The following IGF2BP3 variants were observed in gnomAD, a reference collection of about 807,000 sequenced individuals.
IGF2BP3 encodes insulin like growth factor 2 mRNA binding protein 3.
Under a neutral mutation model 73.8 loss-of-function variants are expected in IGF2BP3, and 9 were observed. That is an observed-to-expected ratio of 0.12 (90% confidence interval 0.07 to 0.21). The LOEUF is 0.21. Among genes scored for constraint, IGF2BP3 ranks in the 10% least tolerant of loss-of-function variants. The pLI, the probability that IGF2BP3 is intolerant of heterozygous loss-of-function variation, is 1.00. For synonymous variants in IGF2BP3, 258 were observed against 256.7 expected (o/e 1.01, Z -0.05); for missense variants, 542 against 714.0 (o/e 0.76, Z 2.75).
At position 23,312,290 on chromosome 7, in the gene IGF2BP3, C is replaced by T. The variant is rs773426938; in HGVS notation, c.*72G>A. 1.9e-4 allele frequency: 210 copies of T among 1,104,386 alleles called. No homozygotes were observed. The highest frequency in any genetic ancestry group is 2.6e-4 in the Non-Finnish European group (187 of 721,264). 68.4% of individuals were successfully genotyped at this position (1,104,386 alleles called of 1,614,324 possible). On this transcript the variant is annotated 3_prime_UTR_variant, in exon 15 of 15. Transcript: ENST00000258729. ...CATGTGATTCTGGATAGGGGGTCAG[C>T]GCCCATCTGTTGGTTAAGCAATCTG...
intron 10 of IGF2BP3, among the ~76,000 whole-genome samples, chr7:23,319,472 T>C (rs1784078025): frequency 1.3e-5 from 2 of 152,238 alleles, no homozygotes; most frequent in Non-Finnish European, 1.5e-5. Context: ...CACTTTTCTC[T>C]ACTGTTGCCT....
chr7:23,382,435 A>T (rs915848087), intron 3 of IGF2BP3, among the ~76,000 whole-genome samples: 7 of 151,984 alleles, frequency 4.6e-5, no homozygotes, highest in African/African-American at 1.4e-4. Flanking sequence ...TTTCAACTGT[A>T]TCGTAAGAGA....
At chr7:23,414,666 T>C (rs1293946891) in intron 3 of IGF2BP3, 1 of 152,956 alleles carries the variant, frequency 6.5e-6, no homozygotes, top group Non-Finnish European at 1.5e-5. Flanking sequence ...AGCTTTGTGA[T>C]GCCAGGTCTA....
intron 10 of IGF2BP3, among the ~76,000 whole-genome samples, chr7:23,322,025 C>G (rs1034641077): frequency 6.6e-6 from 1 of 152,342 alleles, no homozygotes; most frequent in East Asian, 1.9e-4. Flanking sequence ...GCCTCTCCTT[C>G]TCCAAAGGAA....
At chr7:23,389,157 CCTTT>C (rs1177071319) in intron 3 of IGF2BP3, among the ~76,000 whole-genome samples, 10 of 117,472 alleles carry the variant, frequency 8.5e-5, no homozygotes, top group Admixed American at 3.0e-4. Context: ...AGAATTATTC[CCTTT>C]TTTTTTTTTT....
At chr7:23,423,892 G>T (rs1469506485) in intron 2 of IGF2BP3, among the ~76,000 whole-genome samples, 1 of 152,010 alleles carries the variant, frequency 6.6e-6, no homozygotes, top group Non-Finnish European at 1.5e-5. Context: ...GGCCGAGGCA[G>T]GCAGATCACG....
At chr7:23,466,531 C>T (rs1788570838) in intron 2 of IGF2BP3, among the ~76,000 whole-genome samples, 1 of 152,320 alleles carries the variant, frequency 6.6e-6, no homozygotes, top group Admixed American at 6.5e-5. Flanking sequence ...TTTAAATCTA[C>T]ATTGTTAATA....
intron 2 of IGF2BP3, among the ~76,000 whole-genome samples, chr7:23,447,344 A>G (rs1278979708): frequency 6.6e-6 from 1 of 151,554 alleles, no homozygotes; most frequent in Admixed American, 6.6e-5. Context: ...AATCAAATGA[A>G]GGATTACAGG....
intron 2 of IGF2BP3, among the ~76,000 whole-genome samples, chr7:23,425,517 A>T (rs1231535129): frequency 7.2e-5 from 11 of 152,114 alleles, no homozygotes; most frequent in Admixed American, 7.2e-4. Flanking sequence ...AGTAGCTGGG[A>T]CCACAGGCAT....
intron 2 of IGF2BP3, among the ~76,000 whole-genome samples, chr7:23,444,792 G>C (rs1202437806): frequency 6.6e-6 from 1 of 151,762 alleles, no homozygotes; most frequent in Non-Finnish European, 1.5e-5. Flanking sequence ...TGAGGTAGTT[G>C]GGTTCGGTGG....
chr7:23,432,219 C>T (rs1460364077), intron 2 of IGF2BP3, among the ~76,000 whole-genome samples: 3 of 152,166 alleles, frequency 2.0e-5, no homozygotes, highest in South Asian at 2.1e-4. Flanking sequence ...ACTTGACTGA[C>T]GCCATGAGTA....
At chr7:23,401,628 G>A (rs936550976) in intron 3 of IGF2BP3, among the ~76,000 whole-genome samples, 7 of 152,076 alleles carry the variant, frequency 4.6e-5, no homozygotes, top group Non-Finnish European at 1.0e-4. Context: ...AGCTGGGCTT[G>A]GTGGCAGTCA....
At chr7:23,368,509 G>A (rs1213258889) in intron 3 of IGF2BP3, among the ~76,000 whole-genome samples, 1 of 152,158 alleles carries the variant, frequency 6.6e-6, no homozygotes, top group Non-Finnish European at 1.5e-5. Context: ...TGGTTTCTAT[G>A]GGCTGAGGAA....
At chr7:23,331,935 G>A (rs889218954) in intron 10 of IGF2BP3, among the ~76,000 whole-genome samples, 1 of 151,842 alleles carries the variant, frequency 6.6e-6, no homozygotes, top group African/African-American at 2.4e-5. Flanking sequence ...ACTTACAATC[G>A]TGGCGGAAGA....
chr7:23,328,379 T>G (rs1339949996), intron 10 of IGF2BP3, among the ~76,000 whole-genome samples: 2 of 152,172 alleles, frequency 1.3e-5, no homozygotes, highest in Non-Finnish European at 2.9e-5. Context: ...CAGCTAACTT[T>G]TGTCTTTTTA....
At chr7:23,354,942 T>A (rs549190049) in intron 5 of IGF2BP3, among the ~76,000 whole-genome samples, 2 of 152,332 alleles carry the variant, frequency 1.3e-5, no homozygotes, top group African/African-American at 4.8e-5. Flanking sequence ...ACATGCAGAA[T>A]GGCGGCTTTC....
chr7:23,356,349 G>A (rs1041703471), intron 5 of IGF2BP3, among the ~76,000 whole-genome samples: 5 of 152,000 alleles, frequency 3.3e-5, no homozygotes, highest in East Asian at 1.9e-4. Context: ...CTTGAGCCCC[G>A]CAGTTTGAGA....
At chr7:23,412,310 T>G (rs530704906) in intron 3 of IGF2BP3, among the ~76,000 whole-genome samples, 14 of 152,288 alleles carry the variant, frequency 9.2e-5, no homozygotes, top group Admixed American at 6.5e-4. Flanking sequence ...TAAGGAATAC[T>G]TGGTTTCCCT....
Position 23,469,173 on chromosome 7 carries a change from G to A in IGF2BP3, c.176-631C>T, listed in dbSNP as rs116349468. ...ACGGGGCTCCCATGGGGACCCCAAC[G>A]CAGCCTTCCCCCTGGGCGTCCTGCT... On this transcript the variant is annotated intron_variant, in intron 1 of 14. Transcript: ENST00000258729. This position sits in a 1 kb window ranked among gnomAD's most constrained non-coding sequence, Gnocchi z 6.1. 3.2e-3 allele frequency: 491 copies of A among 153,408 alleles called. 2 individuals carry two copies. Among genetic ancestry groups the A allele is most frequent in the African/African-American group, 0.011 (455 of 41,588 alleles). The allele number at this position is 153,408 out of a possible 1,614,324, so 9.5% of individuals were successfully genotyped here.
Sources: gnomAD v4.1 joint callset for allele counts (sites outside exome capture counted in the v4.1 genomes callset) on GRCh38, gnomAD v4.1.1 for gene constraint, Gnocchi (gnomAD v3.1) non-coding constraint, MANE v1.5 for transcripts, NCBI Gene and HGNC (gene_info 2026-07-23, HGNC 2026-07-21) for gene names.